ANKRD36C: variants seen among roughly 807,000 people sequenced by gnomAD.
The protein encoded by ANKRD36C is ankyrin repeat domain 36C.
ANKRD36C carries 61 observed loss-of-function variants against 276.4 expected under a neutral mutation model. The observed-to-expected ratio is 0.22, with a 90% confidence interval of 0.18 to 0.27. The LOEUF is 0.27. Ranked by LOEUF, ANKRD36C falls within the 10% of genes least tolerant of loss-of-function variation. ANKRD36C has a pLI of 1.00. For missense variants in ANKRD36C, 1,447 were observed against 2,032.3 expected (o/e 0.71, Z 5.54); for synonymous variants, 483 against 680.1 (o/e 0.71, Z 4.51).
At chr2:95,989,077 G>A (rs907009261) in intron 1 of ANKRD36C, among the ~76,000 whole-genome samples, 1 of 152,162 alleles carries the variant, frequency 6.6e-6, no homozygotes, top group African/African-American at 2.4e-5. Context: ...GCTGAGGTGG[G>A]AGAATCACTT....
chr2:95,941,508 T>C (rs1477239221), intron 19 of ANKRD36C, among the ~76,000 whole-genome samples: 2 of 152,244 alleles, frequency 1.3e-5, no homozygotes, highest in African/African-American at 4.8e-5. Context: ...TAGGGTCCTA[T>C]TTTTAAAATA....
chr2:95,975,964 G>A (rs529839089), intron 6 of ANKRD36C, among the ~76,000 whole-genome samples: 18 of 152,056 alleles, frequency 1.2e-4, no homozygotes, highest in South Asian at 6.2e-4. Context: ...AAAAGTGGGC[G>A]AAGGATATGA....
chr2:95,891,386 A>C (rs1432289922), intron 46 of ANKRD36C, among the ~76,000 whole-genome samples: 1 of 151,430 alleles, frequency 6.6e-6, no homozygotes, highest in Non-Finnish European at 1.5e-5. Flanking sequence ...GGAGAATTAA[A>C]GCAAAATTAT....
intron 13 of ANKRD36C, among the ~76,000 whole-genome samples, chr2:95,955,801 G>A (rs1678313353): frequency 6.6e-6 from 1 of 152,100 alleles, no homozygotes. Context: ...CACTTGATCA[G>A]GATGTTAAGC....
At chr2:95,929,356 A>T in intron 24 of ANKRD36C, 89 bp from the exon 25 acceptor site, 1 of 1,419,566 alleles carries the variant, frequency 7.0e-7, no homozygotes. Context: ...GTTAGCATCA[A>T]GTTTTGTACT....
At position 95,982,248 on chromosome 2, in the gene ANKRD36C, G is replaced by A; in HGVS notation, c.593+8C>T. The A allele has an allele frequency of 6.5e-7, 1 of 1,535,338 alleles. No homozygotes were observed. The highest frequency in any genetic ancestry group is 1.2e-5 in the South Asian group (1 of 82,928). On this transcript the variant is annotated splice_region_variant and intron_variant, in intron 4 of 66. Transcript: ENST00000456556. ...TAAAAACAACACAATAAGAACTAAG[G>A]TCTGTACCTGCCAAGATAATCAACG... is the stretch of plus-strand genomic sequence containing the variant.
intron 59 of ANKRD36C, among the ~76,000 whole-genome samples, chr2:95,873,843 A>T (rs927101684): frequency 2.6e-5 from 4 of 152,246 alleles, no homozygotes; most frequent in African/African-American, 9.6e-5. Context: ...CAGGATACAA[A>T]ATCAATGTAC....
chr2:95,942,546 G>C (rs1018750931), intron 19 of ANKRD36C, among the ~76,000 whole-genome samples: 19 of 144,574 alleles, frequency 1.3e-4, no homozygotes, highest in Non-Finnish European at 1.3e-4. Flanking sequence ...AAATATAAGA[G>C]AGAAATGTAA....
chr2:95,944,634 A>T lies in ANKRD36C; in HGVS notation c.1484T>A (p.Val495Asp), dbSNP rs571645892. The T allele has an allele frequency of 1.3e-4, 198 of 1,537,226 alleles. No homozygotes were observed. The East Asian group carries it at 2.5e-3, about 19-fold the overall frequency. The change falls in exon 19 of 67, where the codon GTT becomes GAT. Residue 495 changes from valine (V) to aspartate (D), a missense_variant. Coordinates refer to ENST00000456556, the Ensembl canonical transcript of ANKRD36C. Reference sequence around the variant, plus strand: ...AACCACATCTTCATTTACCTTATCAACATTTTGGTCTTCAAACAAGGTTCC... The same window carrying T: ...AACCACATCTTCATTTACCTTATCATCATTTTGGTCTTCAAACAAGGTTCC...
At chr2:95,937,653 C>A (rs1335600104) in intron 22 of ANKRD36C, among the ~76,000 whole-genome samples, 1 of 152,260 alleles carries the variant, frequency 6.6e-6, no homozygotes, top group African/African-American at 2.4e-5. Flanking sequence ...AGCCAAGGTA[C>A]CAAATGATAC....
At chr2:95,990,242 G>T (rs573636573) in intron 1 of ANKRD36C, among the ~76,000 whole-genome samples, 1 of 152,134 alleles carries the variant, frequency 6.6e-6, no homozygotes, top group African/African-American at 2.4e-5. Context: ...TAGTTAGCAG[G>T]CACTTCATTT....
At chr2:95,861,899 A>T (rs1258612628) in intron 60 of ANKRD36C, among the ~76,000 whole-genome samples, 1 of 152,100 alleles carries the variant, frequency 6.6e-6, no homozygotes, top group Non-Finnish European at 1.5e-5. Context: ...AAAAAGATAC[A>T]TGCTAACAGT....
At chr2:95,875,599 G>A (rs1675931022) in intron 59 of ANKRD36C, among the ~76,000 whole-genome samples, 2 of 151,728 alleles carry the variant, frequency 1.3e-5, no homozygotes, top group South Asian at 4.2e-4. Context: ...GTTAATGGGT[G>A]CAGCGCACCA....
In ANKRD36C at chr2:95,978,992, C is replaced by T. The variant is rs531589205; in HGVS notation, c.732-803G>A. ...TGTTTGCTAGAATGATGGTTCATCT[C>T]CATCAGTGATGTTATCTCCAACTGA... On this transcript the variant is annotated intron_variant, in intron 5 of 66. Coordinates refer to ENST00000456556, the Ensembl canonical transcript of ANKRD36C. Among the ~76,000 whole-genome samples the T allele has an allele frequency of 1.1e-3, 162 of 152,066 alleles. 1 individual carries two copies. The Middle Eastern group carries it at 0.014, about 13-fold the overall frequency.
chr2:95,944,601 TG>T, intron 19 of ANKRD36C, 25 bp downstream of exon 19: 1 of 1,534,828 alleles, frequency 6.5e-7, no homozygotes, highest in East Asian at 2.4e-5. Flanking sequence ...TATTCTATGT[TG>T]GCTTTTAACC....
chr2:95,945,092 A>G, intron 18 of ANKRD36C, 22 bp downstream of exon 18: 2 of 1,533,806 alleles, frequency 1.3e-6, no homozygotes, highest in African/African-American at 1.4e-5. Context: ...ATAATATAAT[A>G]GTCAGGTTTC....
intron 59 of ANKRD36C, 75 bp downstream of exon 79, chr2:95,876,364 A>T: frequency 1.7e-6 from 2 of 1,169,106 alleles, no homozygotes; most frequent in Non-Finnish European, 2.5e-6. Flanking sequence ...AGGTAAATTC[A>T]TTTCAAATAT....
intron 19 of ANKRD36C, among the ~76,000 whole-genome samples, chr2:95,943,546 T>C (rs1210209308): frequency 6.6e-6 from 1 of 150,748 alleles, no homozygotes; most frequent in Admixed American, 6.6e-5. Context: ...TTAATTTTTA[T>C]TATTTTTTAT....
At chr2:95,853,720 T>G in exon 64 of ANKRD36C, 1 of 1,584,624 alleles carries the variant, frequency 6.3e-7, no homozygotes, top group Non-Finnish European at 8.6e-7. Context: ...TGACTTCTCA[T>G]CTGGTCTAAT....
Sources: gnomAD v4.1 joint callset for allele counts (sites outside exome capture counted in the v4.1 genomes callset) on GRCh38, gnomAD v4.1.1 for gene constraint, MANE v1.5 for transcripts, NCBI Gene and HGNC (gene_info 2026-07-23, HGNC 2026-07-21) for gene names.